INTS10: variants seen among roughly 807,000 people sequenced by gnomAD.
The protein encoded by INTS10 is integrator complex subunit 10, also known as chromosome 8 open reading frame 35.
INTS10 carries 44 observed loss-of-function variants against 94.4 expected under a neutral mutation model. The observed-to-expected ratio is 0.47, with a 90% CI of 0.37 to 0.60. The LOEUF is 0.60. INTS10 is among the 20% of genes least tolerant of loss of function. The pLI is 0.00. For synonymous variants in INTS10, 341 were observed against 320.7 expected (o/e 1.06, Z -0.68); for missense variants, 797 against 868.7 (o/e 0.92, Z 1.04).
At chr8:19,818,206 G>C (rs1034481826) in intron 1 of INTS10, 69 bp from the exon 2 acceptor site, 1 of 1,494,156 alleles carries the variant, frequency 6.7e-7, no homozygotes, top group Non-Finnish European at 9.3e-7. Context: ...GGGCCAACGA[G>C]CGATGCTGGA....
At chr8:19,850,278 G>C (rs140164722) in intron 16 of INTS10, among the ~76,000 whole-genome samples, 1 of 152,280 alleles carries the variant, frequency 6.6e-6, no homozygotes, top group Non-Finnish European at 1.5e-5. Context: ...CAGTATCTCA[G>C]GGCAGCATAA....
chr8:19,822,610 C>A, intron 5 of INTS10, 90 bp downstream of exon 5: 3 of 757,762 alleles, frequency 4.0e-6, no homozygotes, highest in Non-Finnish European at 6.5e-6. Context: ...ATATGAAAGG[C>A]AAAGGAGCTT....
chr8:19,817,438 C>CGCGGTGGCG lies in INTS10; in HGVS notation c.-95_-87dup, dbSNP rs1476187994. 1 of 1,359,292 alleles carries CGCGGTGGCG rather than the reference C, an allele frequency of 7.4e-7. No homozygotes were observed. The highest frequency in any genetic ancestry group is 1.0e-6 in the Non-Finnish European group (1 of 995,142). The allele number at this position is 1,359,292 out of a possible 1,614,324, so 84.2% of individuals were successfully genotyped here. Reference sequence around the variant, plus strand: ...TCCAGACATGCGCAGTAGCCTCCCCCGCGGTGGCGGCGGCGGCGGCGGTGG... The same window carrying CGCGGTGGCG: ...TCCAGACATGCGCAGTAGCCTCCCCCGCGGTGGCGGCGGTGGCGGCGGCGGCGGCGGTGG... On this transcript the variant is annotated 5_prime_UTR_variant, in exon 1 of 17. Transcript: ENST00000397977.
At chr8:19,828,434 TC>T (rs1438613468) in intron 9 of INTS10, among the ~76,000 whole-genome samples, 1 of 152,164 alleles carries the variant, frequency 6.6e-6, no homozygotes, top group Non-Finnish European at 1.5e-5. Flanking sequence ...TGGGCATCTG[TC>T]CCCCACCTGC....
chr8:19,839,268 C>T (rs950162492), intron 13 of INTS10, among the ~76,000 whole-genome samples: 6 of 152,146 alleles, frequency 3.9e-5, no homozygotes, highest in African/African-American at 1.4e-4. Context: ...ATGCTTTCCC[C>T]CACTAAGATT....
In INTS10 at chr8:19,839,477, A is replaced by C. The variant is rs79538976; in HGVS notation, c.1639+2317A>C. Among the ~76,000 whole-genome samples the C allele has an allele frequency of 7.1e-3, 1,081 of 152,258 alleles. 92 individuals are homozygous for C. In the East Asian group the frequency reaches 0.17, roughly 24 times the overall value. On this transcript the variant is annotated intron_variant, in intron 13 of 16. Coordinates refer to ENST00000397977, the MANE Select transcript of INTS10 (RefSeq NM_018142.4). ...CACTTTGAGAGGCTGATGCAGGTGGATTGCTTGAGCCCAGGAGCCCAAACC... is the reference window on the plus strand; with the variant it reads ...CACTTTGAGAGGCTGATGCAGGTGGCTTGCTTGAGCCCAGGAGCCCAAACC...
intron 1 of INTS10, 124 bp downstream of exon 1, chr8:19,817,790 C>A: frequency 1.6e-6 from 2 of 1,235,482 alleles, no homozygotes; most frequent in East Asian, 2.6e-5. Context: ...CCCCTGCTTT[C>A]TCCCCTCCCA....
At chr8:19,841,392 G>C (rs888497720) in intron 13 of INTS10, among the ~76,000 whole-genome samples, 15 of 152,152 alleles carry the variant, frequency 9.9e-5, no homozygotes, top group Admixed American at 9.2e-4. Context: ...TAGGCTGCCA[G>C]AAAATTGTCT....
chr8:19,827,554 T>C (rs2066900825), intron 9 of INTS10, among the ~76,000 whole-genome samples: 1 of 152,128 alleles, frequency 6.6e-6, no homozygotes, highest in Admixed American at 6.5e-5. Flanking sequence ...GTGCCTGGGC[T>C]GGAGCAGGTG....
At position 19,833,150 on chromosome 8, in the gene INTS10, G is replaced by C. The variant is rs757502934; in HGVS notation, c.1378-19G>C. 1.3e-6 allele frequency: 2 copies of C among 1,515,028 alleles called. No individual in the cohort carries two copies. Among genetic ancestry groups the C allele is most frequent in the South Asian group, 2.6e-5 (2 of 78,008 alleles). The allele number at this position is 1,515,028 out of a possible 1,614,324, so 93.8% of individuals were successfully genotyped here. A position where few individuals can be genotyped will look rare whatever the true frequency, so the allele number is the denominator to read the frequency against. On this transcript the variant is annotated intron_variant, in intron 11 of 16. Transcript: ENST00000397977. ...TAACAGCGATGCTTTTCCCCTCCTT[G>C]CTATTCTATCTTTCTTAGGGTCAAT...
At chr8:19,844,262 A>G (rs761806222) in intron 15 of INTS10, 24 bp downstream of exon 15, 6 of 1,503,598 alleles carry the variant, frequency 4.0e-6, no homozygotes, top group Non-Finnish European at 1.8e-6. Flanking sequence ...TTGTTTAAGC[A>G]TAACACATTC....
intron 3 of INTS10, among the ~76,000 whole-genome samples, 165 bp from the exon 4 acceptor site, chr8:19,820,214 A>G (rs1055440419): frequency 6.6e-6 from 1 of 152,216 alleles, no homozygotes; most frequent in Non-Finnish European, 1.5e-5. Flanking sequence ...CCTGTGCCAG[A>G]TACTATTGGC....
intron 13 of INTS10, among the ~76,000 whole-genome samples, chr8:19,839,568 G>A (rs1234572679): frequency 2.6e-5 from 4 of 151,976 alleles, no homozygotes; most frequent in Non-Finnish European, 5.9e-5. Flanking sequence ...GCTTAGTGGT[G>A]TGCACCTGTA....
Position 19,849,166 on chromosome 8 carries a change from T to G in INTS10, c.1977-2483T>G, listed in dbSNP as rs2068819023. ...GCTGTTTGCTGTTTTTTAAAGGCCT[T>G]CTAGCCCTCCCATGGGGTTACTGCA... On this transcript the variant is annotated intron_variant, in intron 16 of 16. Transcript: ENST00000397977. The surrounding 1 kb of genome is among the most constrained non-coding windows in gnomAD (Gnocchi z 4.6). The G allele has an allele frequency of 4.7e-6, 6 of 1,289,074 alleles. No individual in the cohort carries two copies. Among genetic ancestry groups the G allele is most frequent in the Non-Finnish European group, 6.1e-6 (6 of 988,304 alleles). 79.9% of individuals were successfully genotyped at this position (1,289,074 alleles called of 1,614,324 possible).
rs754489005 is a variant in INTS10, at chr8:19,822,531, T to G, written c.523+11T>G. The G allele has an allele frequency of 2.4e-5, 36 of 1,473,070 alleles. No homozygotes were observed. Among genetic ancestry groups the G allele is most frequent in the Admixed American group, 1.3e-4 (8 of 59,696 alleles). The allele number at this position is 1,473,070 out of a possible 1,614,324, so 91.2% of individuals were successfully genotyped here. A position where few individuals can be genotyped will look rare whatever the true frequency, so the allele number is the denominator to read the frequency against. ...TTAGAAAATTATTTGGTAAGGAAAATTGTATTCTCTATTACTTCTATGGTA... is the reference window on the plus strand; with the variant it reads ...TTAGAAAATTATTTGGTAAGGAAAAGTGTATTCTCTATTACTTCTATGGTA... On this transcript the variant is annotated intron_variant, in intron 5 of 16. Transcript: ENST00000397977.
At position 19,843,135 on chromosome 8, in the gene INTS10, G is replaced by C. The variant is rs905366472; in HGVS notation, c.1719+208G>C. On this transcript the variant is annotated intron_variant, in intron 14 of 16. Transcript: ENST00000397977. This position sits in a 1 kb window ranked among gnomAD's most constrained non-coding sequence, Gnocchi z 4.7. ...CAAAGAGAAGTAGGAAGTTCTCCCCGTCCTCAAAAAGTGTAATAGTGGGAC... is the reference window on the plus strand; with the variant it reads ...CAAAGAGAAGTAGGAAGTTCTCCCCCTCCTCAAAAAGTGTAATAGTGGGAC... 6.6e-6 allele frequency among the ~76,000 whole-genome samples: 1 copy of C among 152,124 alleles called. No homozygotes were observed. Among genetic ancestry groups the C allele is most frequent in the African/African-American group, 2.4e-5 (1 of 41,408 alleles).
At chr8:19,817,722 C>T in intron 1 of INTS10, 56 bp downstream of exon 1, 1 of 1,554,550 alleles carries the variant, frequency 6.4e-7, no homozygotes, top group African/African-American at 1.4e-5. Flanking sequence ...GCTCCCGTCG[C>T]CCGGGCTGCC....
chr8:19,826,205 G>A (rs1305573643), intron 8 of INTS10, among the ~76,000 whole-genome samples: 2 of 152,006 alleles, frequency 1.3e-5, no homozygotes, highest in Non-Finnish European at 2.9e-5. Flanking sequence ...TCAGCCTCCC[G>A]AGTAGCCGGG....
intron 13 of INTS10, among the ~76,000 whole-genome samples, chr8:19,839,990 G>T (rs930449368): frequency 2.0e-5 from 3 of 148,064 alleles, no homozygotes; most frequent in Non-Finnish European, 4.4e-5. Flanking sequence ...TTGAATCTGG[G>T]AGGTGGAGGT....
Sources: gnomAD v4.1 joint callset for allele counts (sites outside exome capture counted in the v4.1 genomes callset) on GRCh38, gnomAD v4.1.1 for gene constraint, Gnocchi (gnomAD v3.1) non-coding constraint, MANE v1.5 for transcripts, NCBI Gene and HGNC (gene_info 2026-07-23, HGNC 2026-07-21) for gene names.